Variants in PELI2 observed in about 807,000 individuals in gnomAD.
PELI2 encodes the protein E3 ubiquitin-protein ligase pellino homolog 2.
In PELI2, 23 loss-of-function variants were observed where a neutral mutation model predicts 42.3. The ratio of observed to expected loss-of-function variants is 0.54; its 90% CI spans 0.39 to 0.77. PELI2 has a LOEUF of 0.77. Among genes scored for constraint, PELI2 ranks in the 30% least tolerant of loss-of-function variants. PELI2 has a pLI of 0.00. For synonymous variants in PELI2, 245 were observed against 212.2 expected (o/e 1.15, Z -1.34); for missense variants, 463 against 553.2 (o/e 0.84, Z 1.64).
chr14:56,152,964 T>C (rs1330166655), intron 1 of PELI2, among the ~76,000 whole-genome samples: 2 of 152,204 alleles, frequency 1.3e-5, no homozygotes, highest in African/African-American at 4.8e-5. Flanking sequence ...GGCTTTGTGG[T>C]ACTGTATGTA....
At chr14:56,121,744 GTTTC>G (rs1256422495) in intron 1 of PELI2, among the ~76,000 whole-genome samples, 1 of 152,082 alleles carries the variant, frequency 6.6e-6, no homozygotes, top group East Asian at 1.9e-4. Flanking sequence ...CCTCCTCTCT[GTTTC>G]TTTATCAATT....
At chr14:56,233,543 G>T (rs1030008370) in intron 2 of PELI2, among the ~76,000 whole-genome samples, 9 of 152,154 alleles carry the variant, frequency 5.9e-5, no homozygotes, top group African/African-American at 2.2e-4. Flanking sequence ...GGGAAAACTG[G>T]CTAGCCATAT....
At chr14:56,220,109 G>A (rs1343242003) in intron 2 of PELI2, among the ~76,000 whole-genome samples, 1 of 152,168 alleles carries the variant, frequency 6.6e-6, no homozygotes, top group Non-Finnish European at 1.5e-5. Context: ...CTTGTCCCTT[G>A]CTTCTGTTCT....
At chr14:56,280,418 T>TA (rs1324481794) in intron 3 of PELI2, among the ~76,000 whole-genome samples, 7 of 151,662 alleles carry the variant, frequency 4.6e-5, no homozygotes, top group East Asian at 1.9e-4. Flanking sequence ...TTAATGAATT[T>TA]AAAAAAAAGA....
At chr14:56,225,949 C>T (rs1453331499) in intron 2 of PELI2, among the ~76,000 whole-genome samples, 1 of 152,054 alleles carries the variant, frequency 6.6e-6, no homozygotes, top group Non-Finnish European at 1.5e-5. Context: ...TACTGTGAAA[C>T]CTGGATTTGA....
intron 1 of PELI2, among the ~76,000 whole-genome samples, chr14:56,145,885 T>C (rs574352066): frequency 6.6e-6 from 1 of 152,362 alleles, no homozygotes. Context: ...TTTGTTATAA[T>C]ATTACTGAAG....
chr14:56,127,508 C>A (rs1193808402), intron 1 of PELI2, among the ~76,000 whole-genome samples: 7 of 152,214 alleles, frequency 4.6e-5, no homozygotes, highest in Admixed American at 1.3e-4. Flanking sequence ...TTTATGTCTC[C>A]TCCACACCAT....
chr14:56,251,274 C>T (rs1368448147), intron 2 of PELI2, among the ~76,000 whole-genome samples: 1 of 152,238 alleles, frequency 6.6e-6, no homozygotes, highest in Non-Finnish European at 1.5e-5. Context: ...CTGCCTCCTT[C>T]CATTCACAGA....
At chr14:56,178,862 A>G (rs942458094) in intron 2 of PELI2, among the ~76,000 whole-genome samples, 2 of 152,278 alleles carry the variant, frequency 1.3e-5, no homozygotes, top group African/African-American at 4.8e-5. Context: ...TCTTTATCCT[A>G]AAGAGTTTTT....
Position 56,209,737 on chromosome 14 carries a change from G to C in PELI2, c.207+31273G>C, listed in dbSNP as rs1886647892. On this transcript the variant is annotated intron_variant, in intron 2 of 5. Coordinates refer to ENST00000267460, the MANE Select transcript of PELI2 (RefSeq NM_021255.3). The stretch of plus-strand genomic sequence containing the variant: ...TAACGCATTTGAGAACCAATGATTT[G>C]AATATTTGAAACTGAAAAGCATTTA... 2.6e-5 allele frequency among the ~76,000 whole-genome samples: 4 copies of C among 152,262 alleles called. No homozygotes were observed. In the South Asian group the frequency reaches 8.3e-4, roughly 32 times the overall value.
intron 2 of PELI2, among the ~76,000 whole-genome samples, chr14:56,213,086 C>A (rs1357194863): frequency 6.6e-6 from 1 of 152,194 alleles, no homozygotes; most frequent in Non-Finnish European, 1.5e-5. Flanking sequence ...CTTATGGACT[C>A]AAGCCCATCT....
At chr14:56,293,149 A>G (rs1446431803) in intron 5 of PELI2, among the ~76,000 whole-genome samples, 1 of 152,132 alleles carries the variant, frequency 6.6e-6, no homozygotes, top group Admixed American at 6.5e-5. Context: ...CCTGGGCTTT[A>G]AAAGGTTAAG....
At chr14:56,193,297 TG>T (rs1886015830) in intron 2 of PELI2, among the ~76,000 whole-genome samples, 1 of 152,236 alleles carries the variant, frequency 6.6e-6, no homozygotes, top group Non-Finnish European at 1.5e-5. Flanking sequence ...GAAGAAATGC[TG>T]ATTTTCTCTA....
At position 56,134,049 on chromosome 14, in the gene PELI2, T is replaced by C. The variant is rs184884698; in HGVS notation, c.77+15312T>C. ...AGAATGCTTAGTTTATTTATATTTC[T>C]TTATAAAGAATGTGTCTTCCAAGGT... is the stretch of plus-strand genomic sequence containing the variant. On this transcript the variant is annotated intron_variant, in intron 1 of 5. Transcript: ENST00000267460. Among the ~76,000 whole-genome samples, 134 of 152,376 alleles carry C rather than the reference T, an allele frequency of 8.8e-4. 4 individuals carry two copies. Among genetic ancestry groups the C allele is most frequent in the Admixed American group, 7.4e-3 (113 of 15,308 alleles).
Position 56,297,769 on chromosome 14 carries a change from CTTTTT to C in PELI2, c.*612_*616del, listed in dbSNP as rs113951168. On this transcript the variant is annotated 3_prime_UTR_variant, in exon 6 of 6. Transcript: ENST00000267460. ...GGAGAGAATATTCATAACTTGTGGGCTTTTTTTTTTTTTAACTTCAGTGGAATTTA... is the reference window on the plus strand; with the variant it reads ...GGAGAGAATATTCATAACTTGTGGGCTTTTTTTTAACTTCAGTGGAATTTA... 1.4e-5 allele frequency: 2 copies of C among 140,382 alleles called. No individual in the cohort carries two copies. Among genetic ancestry groups the C allele is most frequent in the Admixed American group, 7.2e-5 (1 of 13,932 alleles). 8.7% of individuals were successfully genotyped at this position (140,382 alleles called of 1,614,324 possible).
chr14:56,290,559 C>G, intron 5 of PELI2, 103 bp downstream of exon 5: 1 of 789,174 alleles, frequency 1.3e-6, no homozygotes, highest in Non-Finnish European at 1.9e-6. Flanking sequence ...TGTGCAGGTC[C>G]AAGCGCCATG....
chr14:56,186,940 T>G (rs751141584), intron 2 of PELI2, among the ~76,000 whole-genome samples: 2 of 152,176 alleles, frequency 1.3e-5, no homozygotes, highest in Non-Finnish European at 2.9e-5. Context: ...TTCAGGCACT[T>G]GCAGCCCATC....
chr14:56,230,461 A>G (rs999980750), intron 2 of PELI2, among the ~76,000 whole-genome samples: 1 of 152,232 alleles, frequency 6.6e-6, no homozygotes, highest in Non-Finnish European at 1.5e-5. Flanking sequence ...TTCTTAAAGA[A>G]AAGAGTTTTC....
chr14:56,213,251 CA>C (rs1409007571), intron 2 of PELI2, among the ~76,000 whole-genome samples: 1 of 152,220 alleles, frequency 6.6e-6, no homozygotes, highest in Non-Finnish European at 1.5e-5. Flanking sequence ...TTTTCTCCTC[CA>C]ACATGTGTGG....
Sources: allele counts gnomAD v4.1 joint callset (sites outside exome capture counted in the v4.1 genomes callset), GRCh38; gene constraint gnomAD v4.1.1; transcripts MANE v1.5; gene names NCBI Gene and HGNC (gene_info 2026-07-23, HGNC 2026-07-21).